Variants in MALRD1 observed in about 807,000 individuals in gnomAD.
MALRD1 encodes MAM and LDL-receptor class A domain-containing protein 1.
In MALRD1, 247 loss-of-function variants were observed where a neutral mutation model predicts 242.1. The ratio of observed to expected loss-of-function variants is 1.02; its 90% confidence interval spans 0.92 to 1.13. MALRD1 has a LOEUF of 1.13. MALRD1 is among the 50% of genes most tolerant of loss of function. The probability of loss-of-function intolerance (pLI) is 0.00; values close to 1 mark genes in which losing one functional copy is unlikely to be tolerated. For missense variants in MALRD1, 2,989 were observed against 2,533.1 expected (o/e 1.18, Z -3.86); for synonymous variants, 995 against 866.6 (o/e 1.15, Z -2.60).
At chr10:19,410,533 C>G (rs1456899446) in intron 28 of MALRD1, among the ~76,000 whole-genome samples, 1 of 152,134 alleles carries the variant, frequency 6.6e-6, no homozygotes, top group Non-Finnish European at 1.5e-5. Flanking sequence ...AATTAAATCT[C>G]TCAGCTAAGT....
At chr10:19,065,180 G>A (rs1834934416) in intron 1 of MALRD1, among the ~76,000 whole-genome samples, 1 of 150,936 alleles carries the variant, frequency 6.6e-6, no homozygotes, top group African/African-American at 2.4e-5. Flanking sequence ...CCAGCTACTT[G>A]GGAGGCTGAG....
intron 36 of MALRD1, among the ~76,000 whole-genome samples, chr10:19,646,434 T>C (rs772205118): frequency 6.6e-6 from 1 of 152,176 alleles, no homozygotes; most frequent in South Asian, 2.1e-4. Flanking sequence ...CAAAACCCCA[T>C]CTCTACTAAA....
chr10:19,165,242 AATATATATAT>A lies in MALRD1; in HGVS notation c.1657-380_1657-371del, dbSNP rs57449195. On this transcript the variant is annotated intron_variant, in intron 12 of 39. Coordinates refer to ENST00000454679, the MANE Select transcript of MALRD1 (RefSeq NM_001142308.3). ...TATATTTAACACAGAAGTTGTTTGG[AATATATATAT>A]ATATATATATATATTTTGTTTTGTT... 7.2e-5 allele frequency among the ~76,000 whole-genome samples: 5 copies of A among 69,780 alleles called. No homozygotes were observed. The East Asian group carries it at 1.7e-3, about 23-fold the overall frequency. The allele number at this position is 69,780 out of a possible 152,430, so 45.8% of individuals were successfully genotyped here. A position where few individuals can be genotyped will look rare whatever the true frequency, so the allele number is the denominator to read the frequency against.
In MALRD1 at chr10:19,113,792, TACACACACACAC is replaced by T. The variant is rs753384799; in HGVS notation, c.695-9672_695-9661del. On this transcript the variant is annotated intron_variant, in intron 5 of 39. Coordinates refer to ENST00000454679, the MANE Select transcript of MALRD1 (RefSeq NM_001142308.3). ...CCTCCACATTGCCACTACCACCCCC[TACACACACACAC>T]ACACACACACACACACACACACACA... Among the ~76,000 whole-genome samples, 1,128 of 134,550 alleles carry T rather than the reference TACACACACACAC, an allele frequency of 8.4e-3. 12 individuals carry two copies. Among genetic ancestry groups the T allele is most frequent in the African/African-American group, 0.031 (1,069 of 34,814 alleles). 88.3% of individuals were successfully genotyped at this position (134,550 alleles called of 152,430 possible). A position where few individuals can be genotyped will look rare whatever the true frequency, so the allele number is the denominator to read the frequency against.
intron 11 of MALRD1, among the ~76,000 whole-genome samples, chr10:19,153,375 A>T (rs1462681636): frequency 6.6e-6 from 1 of 152,180 alleles, no homozygotes; most frequent in Non-Finnish European, 1.5e-5. Context: ...ATATTTTTCT[A>T]AGATCTGAGG....
chr10:19,660,207 G>A (rs941232967), intron 36 of MALRD1, among the ~76,000 whole-genome samples: 22 of 152,150 alleles, frequency 1.4e-4, no homozygotes, highest in Admixed American at 5.9e-4. Flanking sequence ...GCTCGGGTAT[G>A]TTTGTCTTAA....
At chr10:19,604,810 GACATA>G (rs1049691289) in intron 34 of MALRD1, among the ~76,000 whole-genome samples, 11 of 152,128 alleles carry the variant, frequency 7.2e-5, no homozygotes, top group Non-Finnish European at 1.3e-4. Context: ...GTATAGTGCA[GACATA>G]ACATTTATAT....
chr10:19,142,981 A>C (rs1291989026), intron 10 of MALRD1, among the ~76,000 whole-genome samples: 1 of 152,356 alleles, frequency 6.6e-6, no homozygotes, highest in Middle Eastern at 3.4e-3. Flanking sequence ...ACAGGAACAC[A>C]TTAGTAAAAA....
chr10:19,583,435 G>A (rs1177066485), intron 33 of MALRD1, among the ~76,000 whole-genome samples: 3 of 148,206 alleles, frequency 2.0e-5, no homozygotes, highest in African/African-American at 5.0e-5. Flanking sequence ...TAGCATGAAG[G>A]GTTGTTGAAT....
chr10:19,171,490 ACACACATATATATGTGTCTATGTG>A (rs1834936632), intron 13 of MALRD1, among the ~76,000 whole-genome samples: 1 of 142,512 alleles, frequency 7.0e-6, no homozygotes, highest in Non-Finnish European at 1.5e-5. Context: ...ACATATATAC[ACACACATATATATGTGTCTATGTG>A]TGTATATAAA....
intron 27 of MALRD1, among the ~76,000 whole-genome samples, chr10:19,388,041 G>T (rs1399183344): frequency 6.6e-6 from 1 of 152,176 alleles, no homozygotes; most frequent in Non-Finnish European, 1.5e-5. Context: ...CCTTCTGAGG[G>T]TTGTGAGGGA....
chr10:19,441,581 C>G (rs1217909451), intron 28 of MALRD1, among the ~76,000 whole-genome samples: 7 of 152,156 alleles, frequency 4.6e-5, no homozygotes, highest in Non-Finnish European at 1.0e-4. Context: ...TCCCCAGCAC[C>G]ATTTATTAAA....
intron 31 of MALRD1, among the ~76,000 whole-genome samples, chr10:19,530,438 A>T (rs59734430): frequency 0.26 from 11,608 of 44,258 alleles, 1,788 homozygotes; most frequent in African/African-American, 0.48. Flanking sequence ...TAATATATAT[A>T]ATATATAATA....
chr10:19,688,740 G>T (rs1355390265), intron 36 of MALRD1, among the ~76,000 whole-genome samples: 3 of 152,184 alleles, frequency 2.0e-5, no homozygotes, highest in African/African-American at 7.2e-5. Context: ...TCAACACACC[G>T]TTCTAGCATG....
intron 18 of MALRD1, among the ~76,000 whole-genome samples, chr10:19,243,113 G>A (rs1321038417): frequency 6.8e-6 from 1 of 147,228 alleles, no homozygotes; most frequent in African/African-American, 2.5e-5. Context: ...TTTCTGGTTA[G>A]TGAAACTAAC....
intron 24 of MALRD1, among the ~76,000 whole-genome samples, chr10:19,337,583 T>C (rs1165948727): frequency 6.6e-6 from 1 of 152,158 alleles, no homozygotes; most frequent in Non-Finnish European, 1.5e-5. Flanking sequence ...ATTTTGTCCA[T>C]TTTTTTACAG....
intron 29 of MALRD1, among the ~76,000 whole-genome samples, chr10:19,482,139 A>T (rs1284788923): frequency 6.6e-6 from 1 of 152,064 alleles, no homozygotes; most frequent in Non-Finnish European, 1.5e-5. Flanking sequence ...ATCAAAGATT[A>T]CAACTTTTAT....
At chr10:19,099,815 G>A (rs1210668200) in intron 4 of MALRD1, among the ~76,000 whole-genome samples, 1 of 150,418 alleles carries the variant, frequency 6.6e-6, no homozygotes, top group African/African-American at 2.5e-5. Flanking sequence ...ACCCAGGTTG[G>A]CATACAGTGG....
In MALRD1 at chr10:19,319,026, C is replaced by T. The variant is rs572394166; in HGVS notation, c.3420-4923C>T. Reference sequence around the variant, plus strand: ...ACACAGTTGAACATCTGGCGTAGTGCATGCTACAAAGAAAGCAATCAATAA... The same window carrying T: ...ACACAGTTGAACATCTGGCGTAGTGTATGCTACAAAGAAAGCAATCAATAA... On this transcript the variant is annotated intron_variant, in intron 21 of 39. Coordinates refer to ENST00000454679, the MANE Select transcript of MALRD1 (RefSeq NM_001142308.3). 5.4e-4 allele frequency among the ~76,000 whole-genome samples: 82 copies of T among 151,716 alleles called. 1 individual carries two copies. The highest frequency in any genetic ancestry group is 1.9e-3 in the African/African-American group (77 of 41,416).
Sources: allele counts gnomAD v4.1 joint callset (sites outside exome capture counted in the v4.1 genomes callset), GRCh38; gene constraint gnomAD v4.1.1; transcripts MANE v1.5; gene names NCBI Gene and HGNC (gene_info 2026-07-23, HGNC 2026-07-21).